The following ARHGAP10 variants were observed in gnomAD, a reference collection of about 807,000 sequenced individuals.
The protein encoded by ARHGAP10 is rho GTPase-activating protein 10.
ARHGAP10 carries 87 observed loss-of-function variants against 108.6 expected under a neutral mutation model. The ratio of observed to expected loss-of-function variants is 0.80; its 90% confidence interval spans 0.67 to 0.96. The LOEUF (loss-of-function observed/expected upper bound fraction) is 0.96, where lower values mean the gene tolerates loss of function less well. Among genes scored for constraint, ARHGAP10 ranks in the 40% least tolerant of loss-of-function variants. ARHGAP10 has a pLI of 0.00. For missense variants in ARHGAP10, 939 were observed against 954.5 expected, an observed-to-expected ratio of 0.98 and a Z score of 0.21; for synonymous variants, 347 against 341.1, an observed-to-expected ratio of 1.02 and a Z score of -0.19.
At chr4:148,006,176 C>T (rs1740941462) in intron 18 of ARHGAP10, among the ~76,000 whole-genome samples, 1 of 152,222 alleles carries the variant, frequency 6.6e-6, no homozygotes. Flanking sequence ...AGTTCAGCCA[C>T]CCTGGGCCTG....
At chr4:147,765,376 C>T (rs535616886) in intron 1 of ARHGAP10, among the ~76,000 whole-genome samples, 6 of 149,836 alleles carry the variant, frequency 4.0e-5, no homozygotes, top group East Asian at 3.9e-4. Flanking sequence ...CAATGTGCCA[C>T]GCCCATTTTC....
At chr4:148,037,402 T>C (rs1728428098) in intron 19 of ARHGAP10, among the ~76,000 whole-genome samples, 1 of 152,322 alleles carries the variant, frequency 6.6e-6, no homozygotes, top group South Asian at 2.1e-4. Context: ...CCATACAAGA[T>C]GAGTCATTGT....
intron 18 of ARHGAP10, among the ~76,000 whole-genome samples, chr4:147,970,239 C>T (rs559002470): frequency 1.4e-4 from 21 of 152,224 alleles, no homozygotes; most frequent in Admixed American, 9.8e-4. Context: ...ATGTTAGCCA[C>T]GGGTTTCCCT....
chr4:147,946,414 C>T (rs1174309230), intron 14 of ARHGAP10: 1 of 482,794 alleles, frequency 2.1e-6, no homozygotes, highest in Non-Finnish European at 3.6e-6. Flanking sequence ...TTGATCTCTA[C>T]TACAGATTTT....
chr4:147,955,040 G>A lies in ARHGAP10; in HGVS notation c.1392-276G>A, dbSNP rs1399317058. Among the ~76,000 whole-genome samples the A allele has an allele frequency of 2.0e-5, 3 of 152,110 alleles. No individual in the cohort carries two copies. The East Asian group carries it at 5.8e-4, about 29-fold the overall frequency. On this transcript the variant is annotated intron_variant, in intron 15 of 22. Coordinates refer to ENST00000336498, the MANE Select transcript of ARHGAP10 (RefSeq NM_024605.4). ...GGAAGTTTTATATATAAAACCAGAT[G>A]TTCACAAAGCTACTTTCCGTGATTA...
chr4:147,760,778 G>T (rs1428610333), intron 1 of ARHGAP10, among the ~76,000 whole-genome samples: 1 of 152,104 alleles, frequency 6.6e-6, no homozygotes, highest in Non-Finnish European at 1.5e-5. Context: ...CCAGTTGAAG[G>T]GGGGCTATGT....
chr4:147,938,784 T>G (rs1001197567), intron 13 of ARHGAP10, among the ~76,000 whole-genome samples: 1 of 152,244 alleles, frequency 6.6e-6, no homozygotes, highest in Non-Finnish European at 1.5e-5. Flanking sequence ...AGTTGTGTTC[T>G]TGTTACCTTT....
rs11339382 is a variant in ARHGAP10 at position 147,873,875 on chromosome 4, T to TA, written c.703-1132dup. ...GGGAGACAGAGTGAGACCCTGTCTT[T>TA]AAAAAAAAAAAAAAGGGGGGATAAG... On this transcript the variant is annotated intron_variant, in intron 7 of 22. Coordinates refer to ENST00000336498, the MANE Select transcript of ARHGAP10 (RefSeq NM_024605.4). Among the ~76,000 whole-genome samples the TA allele has an allele frequency of 9.8e-5, 13 of 132,350 alleles. 1 individual carries two copies. Among genetic ancestry groups the TA allele is most frequent in the African/African-American group, 3.3e-4 (12 of 36,436 alleles). 86.8% of individuals were successfully genotyped at this position (132,350 alleles called of 152,430 possible).
intron 18 of ARHGAP10, among the ~76,000 whole-genome samples, chr4:148,018,255 G>T (rs1331626046): frequency 6.6e-6 from 1 of 152,150 alleles, no homozygotes; most frequent in East Asian, 1.9e-4. Flanking sequence ...GGCAATGAGA[G>T]GTTTGATGCC....
chr4:148,044,769 G>A (rs1728801020), intron 19 of ARHGAP10, among the ~76,000 whole-genome samples: 1 of 152,136 alleles, frequency 6.6e-6, no homozygotes, highest in African/African-American at 2.4e-5. Flanking sequence ...TGGGCACAGG[G>A]GATGATGTGG....
At chr4:147,799,279 A>G (rs1434467548) in intron 1 of ARHGAP10, among the ~76,000 whole-genome samples, 1 of 152,028 alleles carries the variant, frequency 6.6e-6, no homozygotes, top group Non-Finnish European at 1.5e-5. Context: ...ACCTCAAGTG[A>G]TCTGCCTGCT....
chr4:147,801,584 TA>T (rs1453833753), intron 1 of ARHGAP10, among the ~76,000 whole-genome samples: 1 of 152,258 alleles, frequency 6.6e-6, no homozygotes. Context: ...TTTTTTACTA[TA>T]AAACATTTGA....
chr4:148,048,870 G>C (rs144808169), intron 20 of ARHGAP10, among the ~76,000 whole-genome samples: 1 of 151,754 alleles, frequency 6.6e-6, no homozygotes, highest in Admixed American at 6.6e-5. Flanking sequence ...CTATTCATAC[G>C]CATTTTAAAA....
At chr4:147,971,438 G>A (rs1253895972) in intron 18 of ARHGAP10, among the ~76,000 whole-genome samples, 1 of 152,210 alleles carries the variant, frequency 6.6e-6, no homozygotes, top group Non-Finnish European at 1.5e-5. Context: ...CTTTGAGAGA[G>A]AGACAGAGAG....
At chr4:147,880,810 G>A (rs1231299737) in intron 9 of ARHGAP10, among the ~76,000 whole-genome samples, 1 of 152,154 alleles carries the variant, frequency 6.6e-6, no homozygotes, top group Non-Finnish European at 1.5e-5. Flanking sequence ...AGGGTTATCG[G>A]TGTACTTTTA....
intron 1 of ARHGAP10, among the ~76,000 whole-genome samples, chr4:147,818,195 C>G (rs1732333980): frequency 6.6e-6 from 1 of 150,706 alleles, no homozygotes; most frequent in South Asian, 2.1e-4. Context: ...AACAGCAACA[C>G]CTACCCTGCT....
intron 19 of ARHGAP10, among the ~76,000 whole-genome samples, chr4:148,046,242 G>A (rs1451898583): frequency 1.3e-5 from 2 of 152,162 alleles, no homozygotes; most frequent in Non-Finnish European, 2.9e-5. Context: ...ATGGTCCCCT[G>A]TGAATGGATA....
intron 20 of ARHGAP10, among the ~76,000 whole-genome samples, chr4:148,062,840 A>G (rs561662069): frequency 7.9e-5 from 12 of 152,082 alleles, no homozygotes; most frequent in East Asian, 1.9e-4. Flanking sequence ...ATGTCCCACT[A>G]CTCCTTTGAT....
chr4:148,016,314 G>C (rs750119459), intron 18 of ARHGAP10, among the ~76,000 whole-genome samples: 17 of 151,948 alleles, frequency 1.1e-4, no homozygotes, highest in Non-Finnish European at 1.9e-4. Context: ...GATTAGCCTG[G>C]GTAACAAAAC....
Sources: allele counts gnomAD v4.1 joint callset (sites outside exome capture counted in the v4.1 genomes callset), GRCh38; gene constraint gnomAD v4.1.1; transcripts MANE v1.5; gene names NCBI Gene and HGNC (gene_info 2026-07-23, HGNC 2026-07-21).